The following TEKT3 variants were observed in gnomAD, a reference collection of about 807,000 sequenced individuals.
The protein encoded by TEKT3 is tektin 3, also known as tektin-3.
In TEKT3, 49 loss-of-function variants were observed where a neutral mutation model predicts 49.8. The ratio of observed to expected loss-of-function variants is 0.98; its 90% confidence interval spans 0.78 to 1.25. The LOEUF (loss-of-function observed/expected upper bound fraction) is 1.25, where lower values mean the gene tolerates loss of function less well. TEKT3 is among the 50% of genes most tolerant of loss of function. TEKT3 has a pLI of 0.00. For missense variants in TEKT3, 595 were observed against 629.5 expected, an observed-to-expected ratio of 0.95 and a Z score of 0.59; for synonymous variants, 225 against 237.2, an observed-to-expected ratio of 0.95 and a Z score of 0.47.
chr17:15,303,964 T>G lies in TEKT3; in HGVS notation c.1445A>C (p.Asn482Thr). The change falls in exon 9 of 9, where the codon AAC becomes ACC. Residue 482 changes from asparagine to threonine, a missense_variant. Coordinates refer to ENST00000395930, the MANE Select transcript of TEKT3 (RefSeq NM_031898.3). Reference protein sequence around the residue: ...KCMSMRKSYPNTLRLVGFC With the variant: ...KCMSMRKSYPTTLRLVGFC Reference sequence around the variant, plus strand: ...GCAGAAGCCGACCAGCCGGAGGGTGTTGGGGTAGCTCTTGCGCATGCTCAT... The same window carrying G: ...GCAGAAGCCGACCAGCCGGAGGGTGGTGGGGTAGCTCTTGCGCATGCTCAT... 1 of 1,613,900 alleles carries G rather than the reference T, an allele frequency of 6.2e-7. No homozygotes were observed. Among genetic ancestry groups the G allele is most frequent in the Non-Finnish European group, 8.5e-7 (1 of 1,179,984 alleles).
intron 6 of TEKT3, among the ~76,000 whole-genome samples, chr17:15,312,732 TAATG>T (rs1208814465): frequency 2.0e-5 from 3 of 152,234 alleles, no homozygotes; most frequent in East Asian, 3.8e-4. Flanking sequence ...GCAAAAGGAT[TAATG>T]AATGATGTGA....
At chr17:15,340,372 A>G (rs1463491591) in intron 1 of TEKT3, 1 of 105,448 alleles carries the variant, frequency 9.5e-6, no homozygotes, top group East Asian at 3.5e-4. Context: ...CCTCTCTACT[A>G]AAAATACAAA....
chr17:15,310,352 A>G (rs1371302033), intron 7 of TEKT3, among the ~76,000 whole-genome samples: 1 of 152,038 alleles, frequency 6.6e-6, no homozygotes, highest in East Asian at 1.9e-4. Context: ...CAAAATTCCT[A>G]TGTTGAAGTA....
chr17:15,323,838 G>T (rs2150744836), intron 4 of TEKT3, among the ~76,000 whole-genome samples: 1 of 152,238 alleles, frequency 6.6e-6, no homozygotes, highest in South Asian at 2.1e-4. Context: ...AGCCACCACT[G>T]TCAGGTTTTT....
chr17:15,332,107 G>T (rs532537680), intron 2 of TEKT3, among the ~76,000 whole-genome samples: 4 of 151,756 alleles, frequency 2.6e-5, no homozygotes, highest in African/African-American at 4.8e-5. Context: ...TGAACCTGGT[G>T]GCGGGGGTGG....
chr17:15,327,110 G>A (rs571996302), intron 4 of TEKT3, among the ~76,000 whole-genome samples: 1 of 151,290 alleles, frequency 6.6e-6, no homozygotes, highest in South Asian at 2.1e-4. Flanking sequence ...GGAAAACAAA[G>A]GAGTGGGATA....
Position 15,313,064 on chromosome 17 carries a change from C to A in TEKT3, c.879-583G>T, listed in dbSNP as rs1408194913. On this transcript the variant is annotated intron_variant, in intron 6 of 8. Transcript: ENST00000395930. ...AAATGTATTATAAGGAAACAATGTA[C>A]CCAAGGATATACGTGTGAGGATATT... Among the ~76,000 whole-genome samples the A allele has an allele frequency of 2.6e-5, 4 of 152,094 alleles. No individual in the cohort carries two copies. In the East Asian group the frequency reaches 7.7e-4, roughly 29 times the overall value.
chr17:15,309,473 C>T (rs943237995), intron 7 of TEKT3, among the ~76,000 whole-genome samples: 2 of 152,180 alleles, frequency 1.3e-5, no homozygotes, highest in African/African-American at 4.8e-5. Flanking sequence ...GTTCTCCCTC[C>T]TCTTTCTCTG....
intron 2 of TEKT3, among the ~76,000 whole-genome samples, 166 bp from the exon 3 acceptor site, chr17:15,331,780 A>G (rs1597418527): frequency 1.3e-5 from 2 of 151,920 alleles, no homozygotes; most frequent in South Asian, 4.2e-4. Context: ...ATATATTCCA[A>G]CAAAGTTTTT....
chr17:15,324,431 T>C (rs1251517058), intron 4 of TEKT3, among the ~76,000 whole-genome samples: 1 of 152,222 alleles, frequency 6.6e-6, no homozygotes. Context: ...TTTGGGCATA[T>C]GTTTTCTTTT....
intron 2 of TEKT3, among the ~76,000 whole-genome samples, chr17:15,333,133 T>C (rs2150752334): frequency 6.6e-6 from 1 of 152,290 alleles, no homozygotes; most frequent in South Asian, 2.1e-4. Flanking sequence ...TTGGTCGTTA[T>C]TATTCCAGAA....
intron 4 of TEKT3, among the ~76,000 whole-genome samples, chr17:15,326,200 G>A (rs181723864): frequency 1.0e-3 from 154 of 152,224 alleles, no homozygotes; most frequent in Non-Finnish European, 1.8e-3. Context: ...CTGAGGACTC[G>A]GCTGCTACCT....
At chr17:15,306,384 T>A (rs865973671) in intron 8 of TEKT3, among the ~76,000 whole-genome samples, 17 of 151,822 alleles carry the variant, frequency 1.1e-4, no homozygotes, top group Middle Eastern at 3.2e-3. Context: ...AGGAAAGTAA[T>A]CCCCTCCCCC....
At chr17:15,338,757 C>T (rs1227644907) in intron 2 of TEKT3, among the ~76,000 whole-genome samples, 1 of 145,078 alleles carries the variant, frequency 6.9e-6, no homozygotes, top group Non-Finnish European at 1.5e-5. Flanking sequence ...AACTCGTGAT[C>T]TGCCAGCCTC....
At chr17:15,335,944 A>G (rs1464640813) in intron 2 of TEKT3, among the ~76,000 whole-genome samples, 1 of 152,224 alleles carries the variant, frequency 6.6e-6, no homozygotes, top group Non-Finnish European at 1.5e-5. Flanking sequence ...CACCTTGGTA[A>G]CCTATGGTGC....
At chr17:15,326,777 G>T (rs1911510614) in intron 4 of TEKT3, among the ~76,000 whole-genome samples, 1 of 152,142 alleles carries the variant, frequency 6.6e-6, no homozygotes, top group Non-Finnish European at 1.5e-5. Flanking sequence ...ATTGGGAAGG[G>T]CTCCAGGTAC....
chr17:15,338,507 C>CTT lies in TEKT3; in HGVS notation c.-30+1519_-30+1520dup, dbSNP rs765406866. On this transcript the variant is annotated intron_variant, in intron 2 of 8. Coordinates refer to ENST00000395930, the MANE Select transcript of TEKT3 (RefSeq NM_031898.3). ...TCTCTAAATTCTAACTCAGTCAATT[C>CTT]TTTTTTTTTTTTTTGAGATGGAGTC... The CTT allele has an allele frequency of 5.9e-3, 830 of 139,520 alleles. 9 individuals are homozygous for CTT. The highest frequency in any genetic ancestry group is 0.019 in the East Asian group (90 of 4,796). 8.6% of individuals were successfully genotyped at this position (139,520 alleles called of 1,614,324 possible). A position where few individuals can be genotyped will look rare whatever the true frequency, so the allele number is the denominator to read the frequency against.
In TEKT3 at chr17:15,304,773, A is replaced by G. The variant is rs1025968830; in HGVS notation, c.1257-621T>C. ...TATGCTTGCAATTTCTCAGACCTCG[A>G]GGGCTTCACTCTTGCTGTCCCCTAA... On this transcript the variant is annotated intron_variant, in intron 8 of 8. Transcript: ENST00000395930. The surrounding 1 kb of genome is among the most constrained non-coding windows in gnomAD (Gnocchi z 4.7). 1.3e-5 allele frequency among the ~76,000 whole-genome samples: 2 copies of G among 152,146 alleles called. No individual in the cohort carries two copies. Among genetic ancestry groups the G allele is most frequent in the Non-Finnish European group, 2.9e-5 (2 of 68,028 alleles).
intron 5 of TEKT3, among the ~76,000 whole-genome samples, chr17:15,317,991 C>CTTT (rs1212632176): frequency 2.0e-5 from 2 of 98,114 alleles, no homozygotes; most frequent in Non-Finnish European, 3.9e-5. Flanking sequence ...TTTTTTTTTT[C>CTTT]TTTTTTTTTT....
Sources: allele counts gnomAD v4.1 joint callset (sites outside exome capture counted in the v4.1 genomes callset), GRCh38; gene constraint gnomAD v4.1.1; non-coding constraint Gnocchi (gnomAD v3.1); transcripts MANE v1.5; gene names NCBI Gene and HGNC (gene_info 2026-07-23, HGNC 2026-07-21).